The following NRXN1 variants were observed in gnomAD, a reference collection of about 807,000 sequenced individuals.
The protein encoded by NRXN1 is neurexin-1.
Under a neutral mutation model 150.9 loss-of-function variants are expected in NRXN1, and 39 were observed. The observed-to-expected ratio is 0.26, with a 90% confidence interval of 0.20 to 0.34. The LOEUF (loss-of-function observed/expected upper bound fraction) is 0.34. Among genes scored for constraint, NRXN1 ranks in the 10% least tolerant of loss-of-function variants. The pLI is 1.00. For synonymous variants in NRXN1, 924 were observed against 757.0 expected, an observed-to-expected ratio of 1.22 and a Z score of -3.62; for missense variants, 1,815 against 1,949.9, an observed-to-expected ratio of 0.93 and a Z score of 1.30.
chr2:50,938,621 C>T (rs564718844), intron 2 of NRXN1, among the ~76,000 whole-genome samples: 6 of 152,156 alleles, frequency 3.9e-5, no homozygotes, highest in Non-Finnish European at 8.8e-5. Context: ...AAAGAACTAC[C>T]TAAGACTGGG....
intron 19 of NRXN1, among the ~76,000 whole-genome samples, chr2:50,086,245 A>G (rs1698760599): frequency 1.3e-5 from 2 of 152,218 alleles, no homozygotes; most frequent in Non-Finnish European, 2.9e-5. Context: ...GAGTGACTTA[A>G]ATAAATAATA....
At chr2:50,741,565 T>C (rs990056042) in intron 5 of NRXN1, among the ~76,000 whole-genome samples, 2 of 152,190 alleles carry the variant, frequency 1.3e-5, no homozygotes, top group African/African-American at 2.4e-5. Flanking sequence ...TTATTACACA[T>C]TTATTTTAAT....
intron 2 of NRXN1, among the ~76,000 whole-genome samples, chr2:51,004,886 G>GA (rs996632970): frequency 2.6e-4 from 39 of 151,658 alleles, no homozygotes; most frequent in African/African-American, 9.2e-4. Context: ...TCAAAGGAAT[G>GA]AAAAAAGTCC....
chr2:50,482,473 C>T (rs1452067653), intron 15 of NRXN1, among the ~76,000 whole-genome samples: 3 of 152,104 alleles, frequency 2.0e-5, no homozygotes, highest in African/African-American at 7.3e-5. Flanking sequence ...TTCCTTACAG[C>T]AGACAATTCT....
chr2:50,526,661 C>T (rs548995667), intron 12 of NRXN1: 1 of 152,234 alleles, frequency 6.6e-6, no homozygotes, highest in Non-Finnish European at 1.5e-5. Flanking sequence ...ACACCTGCTC[C>T]CTATTCCCCA....
chr2:50,854,596 T>C (rs137967161), intron 5 of NRXN1, among the ~76,000 whole-genome samples: 1 of 152,064 alleles, frequency 6.6e-6, no homozygotes, highest in Non-Finnish European at 1.5e-5. Flanking sequence ...AAACTTATTA[T>C]AGTTCGAGGA....
chr2:50,955,805 T>C (rs1462864568), intron 2 of NRXN1, among the ~76,000 whole-genome samples: 1 of 152,106 alleles, frequency 6.6e-6, no homozygotes, highest in Non-Finnish European at 1.5e-5. Flanking sequence ...AACTGCCAAA[T>C]AGAAAGTGTT....
chr2:50,421,880 A>G (rs1349030569), intron 17 of NRXN1, among the ~76,000 whole-genome samples: 1 of 152,144 alleles, frequency 6.6e-6, no homozygotes, highest in Non-Finnish European at 1.5e-5. Context: ...GGGATAGTCA[A>G]TTTACAAGTC....
chr2:50,388,184 C>A (rs1024085285), intron 17 of NRXN1, among the ~76,000 whole-genome samples: 1 of 152,122 alleles, frequency 6.6e-6, no homozygotes, highest in Non-Finnish European at 1.5e-5. Flanking sequence ...AGGCATGATT[C>A]TGAATTATGC....
intron 17 of NRXN1, among the ~76,000 whole-genome samples, chr2:50,429,245 A>G (rs79956683): frequency 2.7e-5 from 4 of 149,482 alleles, no homozygotes; most frequent in Non-Finnish European, 4.4e-5. Flanking sequence ...TTTTTTTAGG[A>G]AAAAAAAATA....
At chr2:50,240,281 G>C (rs2065892177) in intron 17 of NRXN1, among the ~76,000 whole-genome samples, 1 of 151,692 alleles carries the variant, frequency 6.6e-6, no homozygotes, top group Non-Finnish European at 1.5e-5. Context: ...GATATATCCT[G>C]AGAGCAGTCT....
chr2:50,617,376 C>T (rs1452999476), intron 8 of NRXN1, among the ~76,000 whole-genome samples: 1 of 151,182 alleles, frequency 6.6e-6, no homozygotes, highest in Admixed American at 6.6e-5. Context: ...GTGGAGGTTG[C>T]AGAGAGCTGA....
At chr2:50,015,224 C>T (rs189361824) in intron 21 of NRXN1, among the ~76,000 whole-genome samples, 5 of 152,048 alleles carry the variant, frequency 3.3e-5, no homozygotes, top group Non-Finnish European at 5.9e-5. Context: ...ATATGCCTAA[C>T]TGTCCTAACA....
At chr2:50,355,211 C>T (rs184826264) in intron 17 of NRXN1, among the ~76,000 whole-genome samples, 1 of 149,582 alleles carries the variant, frequency 6.7e-6, no homozygotes, top group Admixed American at 6.7e-5. Flanking sequence ...TAATCTAATC[C>T]CCACCCAATT....
At chr2:50,377,306 T>G (rs1306510501) in intron 17 of NRXN1, among the ~76,000 whole-genome samples, 1 of 152,106 alleles carries the variant, frequency 6.6e-6, no homozygotes, top group Non-Finnish European at 1.5e-5. Flanking sequence ...GGCCATGTGT[T>G]CTCATTGTTT....
intron 21 of NRXN1, among the ~76,000 whole-genome samples, chr2:49,972,334 G>A (rs1373321214): frequency 6.6e-6 from 1 of 152,106 alleles, no homozygotes; most frequent in Non-Finnish European, 1.5e-5. Context: ...CAGGCTCCAC[G>A]CTGCATGATA....
intron 19 of NRXN1, among the ~76,000 whole-genome samples, chr2:50,057,318 T>C (rs1573649815): frequency 6.6e-6 from 1 of 152,306 alleles, no homozygotes; most frequent in East Asian, 1.9e-4. Context: ...ACATGTAGCT[T>C]CCTTTATGGA....
chr2:50,309,850 T>TAA (rs111323440), intron 17 of NRXN1, among the ~76,000 whole-genome samples: 9 of 151,828 alleles, frequency 5.9e-5, no homozygotes, highest in Non-Finnish European at 1.3e-4. Flanking sequence ...GCAGAGAAAC[T>TAA]AAAAAAAATG....
At chr2:50,069,999 C>T (rs1001431694) in intron 19 of NRXN1, among the ~76,000 whole-genome samples, 8 of 151,758 alleles carry the variant, frequency 5.3e-5, no homozygotes, top group African/African-American at 7.3e-5. Context: ...TACAGGCACC[C>T]GCCACCACAC....
Sources: allele counts gnomAD v4.1 joint callset (sites outside exome capture counted in the v4.1 genomes callset), GRCh38; gene constraint gnomAD v4.1.1; transcripts MANE v1.5; gene names NCBI Gene and HGNC (gene_info 2026-07-23, HGNC 2026-07-21).